TOGARAM2: variants seen among roughly 807,000 people sequenced by gnomAD.
The protein encoded by TOGARAM2 is TOG array regulator of axonemal microtubules 2.
A neutral mutation model predicts 93.3 loss-of-function variants in TOGARAM2; 85 were observed. The observed-to-expected ratio is 0.91, with a 90% CI of 0.76 to 1.09. TOGARAM2 has a LOEUF of 1.09. Ranked by LOEUF, TOGARAM2 falls within the 50% of genes least tolerant of loss-of-function variation. The pLI is 0.00. For missense variants in TOGARAM2, 1,277 were observed against 1,334.5 expected (o/e 0.96, Z 0.67); for synonymous variants, 593 against 552.8 (o/e 1.07, Z -1.02).
chr2:28,962,311 G>T (rs1367435780), intron 1 of TOGARAM2, among the ~76,000 whole-genome samples: 1 of 151,892 alleles, frequency 6.6e-6, no homozygotes, highest in Non-Finnish European at 1.5e-5. Context: ...AAGTAGCTCA[G>T]ATTACAGGCA....
intron 14 of TOGARAM2, 146 bp downstream of exon 14, chr2:29,027,157 T>C (rs1665443173): frequency 2.3e-6 from 2 of 876,812 alleles, no homozygotes; most frequent in Non-Finnish European, 3.4e-6. Flanking sequence ...TTTCAGCTCT[T>C]GTCCCATCCC....
chr2:28,996,021 G>T (rs547198244), intron 2 of TOGARAM2, among the ~76,000 whole-genome samples: 1 of 152,378 alleles, frequency 6.6e-6, no homozygotes, highest in South Asian at 2.1e-4. Context: ...TGCAGGGCAG[G>T]AACAGAGAGA....
chr2:29,050,284 G>A (rs138811586), intron 19 of TOGARAM2: 12 of 152,296 alleles, frequency 7.9e-5, no homozygotes, highest in African/African-American at 2.9e-4. Context: ...CTTGAGCCTA[G>A]GAGGTCGAGA....
chr2:29,017,984 G>C (rs752866935), intron 10 of TOGARAM2, 28 bp downstream of exon 10: 2 of 1,564,650 alleles, frequency 1.3e-6, no homozygotes, highest in Admixed American at 1.8e-5. Flanking sequence ...GCAGGCACAC[G>C]TGTCCCTCTG....
intron 18 of TOGARAM2, among the ~76,000 whole-genome samples, chr2:29,043,820 G>A (rs904746450): frequency 3.9e-5 from 6 of 152,188 alleles, no homozygotes; most frequent in Non-Finnish European, 5.9e-5. Context: ...TTTTTCTCAC[G>A]TTGTGTGTCT....
intron 1 of TOGARAM2, among the ~76,000 whole-genome samples, chr2:28,982,032 C>G (rs4483996): frequency 6.6e-6 from 1 of 152,042 alleles, no homozygotes; most frequent in Non-Finnish European, 1.5e-5. Flanking sequence ...TTCTAACCCC[C>G]CCTCTTTCTG....
chr2:28,982,295 G>A (rs1453380239), intron 1 of TOGARAM2, among the ~76,000 whole-genome samples: 1 of 152,150 alleles, frequency 6.6e-6, no homozygotes, highest in Non-Finnish European at 1.5e-5. Context: ...ACTTCTCCAG[G>A]ACAAGGGCTG....
chr2:29,014,486 A>G lies in TOGARAM2; in HGVS notation c.969A>G (p.Thr323=), dbSNP rs1265107180. 2 of 1,592,468 alleles carry G rather than the reference A, an allele frequency of 1.3e-6. No homozygotes were observed. The highest frequency in any genetic ancestry group is 1.3e-5 in the African/African-American group (1 of 74,372). The change falls in exon 8 of 20, where the codon ACA becomes ACG. Residue 323 remains threonine, a synonymous_variant. Transcript: ENST00000379558. ...TTTCTCAGTCTGCTCCCACGCTGAC[A>G]GCCTTCTCCTTTGACTGTGCCAGAG... is the stretch of plus-strand genomic sequence containing the variant. The part of the protein sequence containing the change: ...LPFSQSAPTL[T]AFSFDCAREA...
chr2:29,029,952 T>C (rs895532952), intron 14 of TOGARAM2, among the ~76,000 whole-genome samples: 1 of 151,832 alleles, frequency 6.6e-6, no homozygotes, highest in Non-Finnish European at 1.5e-5. Context: ...CCTATGGAAA[T>C]AAAAAATTAA....
At chr2:28,973,341 CCCTTCCTTCCCTTCCTTCTTTCCT>C (rs1331669802) in intron 1 of TOGARAM2, among the ~76,000 whole-genome samples, 1 of 140,472 alleles carries the variant, frequency 7.1e-6, no homozygotes, top group African/African-American at 2.7e-5. Flanking sequence ...CTTAGCCCCT[CCCTTCCTTCCCTTCCTTCTTTCCT>C]CCTTCCTTCC....
chr2:29,029,902 A>C (rs1332574057), intron 14 of TOGARAM2, among the ~76,000 whole-genome samples: 1 of 152,150 alleles, frequency 6.6e-6, no homozygotes, highest in African/African-American at 2.4e-5. Flanking sequence ...ACTACTAAAG[A>C]ACTTACTCAT....
rs1395293908 is a variant in TOGARAM2, at chr2:28,994,855, C to T, written c.21C>T (p.Val7=). Residue 7 remains valine, a synonymous_variant, in exon 2 of 20, where the codon GTC becomes GTT. Transcript: ENST00000379558. The part of the protein sequence containing the change: MGTRDD[V]PEAKVLVPVA... ...AGGACATGGGCACCCGTGACGATGT[C>T]CCCGAAGGTAAGGGGCACCATGGGA... The T allele has an allele frequency of 1.9e-6, 3 of 1,552,444 alleles. No individual in the cohort carries two copies. The highest frequency in any genetic ancestry group is 2.6e-6 in the Non-Finnish European group (3 of 1,147,458).
intron 8 of TOGARAM2, among the ~76,000 whole-genome samples, chr2:29,016,680 C>T (rs1464126699): frequency 1.3e-5 from 2 of 152,182 alleles, no homozygotes; most frequent in East Asian, 3.9e-4. Context: ...TGATGTGGAT[C>T]CTGCCCCCTG....
In TOGARAM2 at chr2:28,956,954, G is replaced by C. The variant is rs977442779; in HGVS notation, c.-147+257G>C. 1.1e-4 allele frequency among the ~76,000 whole-genome samples: 17 copies of C among 151,910 alleles called. No individual in the cohort carries two copies. The highest frequency in any genetic ancestry group is 8.8e-5 in the Non-Finnish European group (6 of 67,968). On this transcript the variant is annotated intron_variant, in intron 1 of 6. Transcript: ENST00000401723. This position sits in a 1 kb window ranked among gnomAD's most constrained non-coding sequence, Gnocchi z 4.5. The stretch of plus-strand genomic sequence containing the variant: ...AGCCTAGCCAACATGGCGAACCCCT[G>C]TCTCTACTAAAAGTACAAAAATTGG...
At chr2:29,035,934 T>G (rs1418962656) in intron 17 of TOGARAM2, among the ~76,000 whole-genome samples, 2 of 152,180 alleles carry the variant, frequency 1.3e-5, no homozygotes, top group Non-Finnish European at 2.9e-5. Flanking sequence ...GGCCTTGGGT[T>G]GCTTCTGGGG....
intron 6 of TOGARAM2, among the ~76,000 whole-genome samples, chr2:29,006,050 AGTGTGTGTGTAT>A (rs1663772864): frequency 1.9e-5 from 1 of 53,278 alleles, no homozygotes; most frequent in African/African-American, 4.7e-5. Context: ...GCATGTGTGG[AGTGTGTGTGTAT>A]GTGTATGTGT....
At chr2:28,991,314 A>G (rs1672721227) in intron 1 of TOGARAM2, among the ~76,000 whole-genome samples, 1 of 151,994 alleles carries the variant, frequency 6.6e-6, no homozygotes, top group South Asian at 2.1e-4. Context: ...CACTGGGTGC[A>G]TACTGGCTTG....
chr2:29,024,536 T>C (rs1447932099), intron 13 of TOGARAM2, among the ~76,000 whole-genome samples, 162 bp downstream of exon 13: 1 of 151,820 alleles, frequency 6.6e-6, no homozygotes, highest in Non-Finnish European at 1.5e-5. Flanking sequence ...GAGGACAGGG[T>C]GATGGGTCAG....
chr2:29,005,992 T>TGTGGAGGGTGTGTGC (rs139827832), intron 6 of TOGARAM2, among the ~76,000 whole-genome samples: 3 of 145,156 alleles, frequency 2.1e-5, no homozygotes, highest in Non-Finnish European at 4.6e-5. Context: ...AGTGCATGTG[T>TGTGGAGGGTGTGTGC]AGGGTGTGTA....
Sources: gnomAD v4.1 joint callset for allele counts (sites outside exome capture counted in the v4.1 genomes callset) on GRCh38, gnomAD v4.1.1 for gene constraint, Gnocchi (gnomAD v3.1) non-coding constraint, MANE v1.5 for transcripts, NCBI Gene and HGNC (gene_info 2026-07-23, HGNC 2026-07-21) for gene names.